Variants in SCN10A observed in about 807,000 individuals in gnomAD.
The protein encoded by SCN10A is sodium voltage-gated channel alpha subunit 10.
Under a neutral mutation model 170.7 loss-of-function variants are expected in SCN10A, and 162 were observed. The ratio of observed to expected loss-of-function variants is 0.95; its 90% CI spans 0.84 to 1.08. The LOEUF (loss-of-function observed/expected upper bound fraction) is 1.08. Ranked by LOEUF, SCN10A falls within the 50% of genes least tolerant of loss-of-function variation. The pLI, the probability that SCN10A is intolerant of heterozygous loss-of-function variation, is 0.00. For synonymous variants in SCN10A, 985 were observed against 904.6 expected (o/e 1.09, Z -1.59); for missense variants, 2,527 against 2,436.9 (o/e 1.04, Z -0.78).
chr3:38,727,572 G>C (rs984392770), intron 16 of SCN10A, among the ~76,000 whole-genome samples: 1 of 152,228 alleles, frequency 6.6e-6, no homozygotes, highest in African/African-American at 2.4e-5. Flanking sequence ...CAGCCTGGAA[G>C]AACAGAGTTT....
At chr3:38,739,745 TAAA>T in intron 14 of SCN10A, 57 bp from the exon 15 acceptor site, 1 of 1,369,514 alleles carries the variant, frequency 7.3e-7, no homozygotes, top group Non-Finnish European at 1.0e-6. Flanking sequence ...GAGGCAATGA[TAAA>T]AATGGCAGCA....
Position 38,718,766 on chromosome 3 carries a change from C to T in SCN10A, c.3568G>A (p.Asp1190Asn). ...ACAAAGATAAAGGTGAAGACCCTGTCAGTGTACTCCAGCAAAGCTTTCACC... is the reference window on the plus strand; with the variant it reads ...ACAAAGATAAAGGTGAAGACCCTGTTAGTGTACTCCAGCAAAGCTTTCACC... ...PTVKALLEYT[D>N]RVFTFIFVFE... Residue 1190 changes from aspartate (D) to asparagine (N), a missense_variant, in exon 21 of 28, where the codon GAC becomes AAC. Transcript: ENST00000449082. 6.2e-6 allele frequency: 10 copies of T among 1,614,244 alleles called. No homozygotes were observed. Among genetic ancestry groups the T allele is most frequent in the Non-Finnish European group, 7.6e-6 (9 of 1,180,038 alleles).
Position 38,746,075 on chromosome 3 carries a change from A to ATGTGTGTG in SCN10A, c.1868-3547_1868-3546insCACACACA, listed in dbSNP as rs1321412735. Among the ~76,000 whole-genome samples the ATGTGTGTG allele has an allele frequency of 2.1e-3, 174 of 83,478 alleles. 6 individuals carry two copies. The highest frequency in any genetic ancestry group is 8.8e-3 in the East Asian group (16 of 1,820). The allele number at this position is 83,478 out of a possible 152,430, so 54.8% of individuals were successfully genotyped here. ...TGTGTGTGTATGTGTATATATATAT[A>ATGTGTGTG]TATATATATATATATATATATATAT... On this transcript the variant is annotated intron_variant, in intron 13 of 27. Coordinates refer to ENST00000449082, the MANE Select transcript of SCN10A (RefSeq NM_006514.4).
rs78925986 is a variant in SCN10A, at chr3:38,731,556, G to C, written c.2281-2655C>G. Reference sequence around the variant, plus strand: ...CTTACAAAAATTCTTGAGTTTTTAGGATAGCAGATAGGTAAAGAAACAACT... The same window carrying C: ...CTTACAAAAATTCTTGAGTTTTTAGCATAGCAGATAGGTAAAGAAACAACT... On this transcript the variant is annotated intron_variant, in intron 15 of 27. Transcript: ENST00000449082. Among the ~76,000 whole-genome samples the C allele has an allele frequency of 7.9e-3, 1,210 of 152,254 alleles. 7 individuals are homozygous for C. The highest frequency in any genetic ancestry group is 0.012 in the Non-Finnish European group (824 of 68,014).
At chr3:38,809,438 G>C (rs539888441) in intron 1 of SCN10A, among the ~76,000 whole-genome samples, 116 of 152,336 alleles carry the variant, frequency 7.6e-4, no homozygotes, top group African/African-American at 2.7e-3. Flanking sequence ...AGCTGCAGGA[G>C]GTTATGGGGT....
intron 7 of SCN10A, 59 bp downstream of exon 7, chr3:38,761,133 C>T: frequency 1.5e-6 from 2 of 1,324,864 alleles, no homozygotes; most frequent in African/African-American, 2.9e-5. Flanking sequence ...ATCCCCTGTC[C>T]CTATATGATA....
intron 4 of SCN10A, among the ~76,000 whole-genome samples, chr3:38,772,730 C>CG (rs2064022202): frequency 2.1e-5 from 2 of 95,740 alleles, no homozygotes; most frequent in Non-Finnish European, 4.4e-5. Context: ...ACAACAAAAA[C>CG]AAAAACAAAA....
At chr3:38,750,948 C>T (rs1308052808) in intron 12 of SCN10A, among the ~76,000 whole-genome samples, 1 of 152,180 alleles carries the variant, frequency 6.6e-6, no homozygotes, top group Non-Finnish European at 1.5e-5. Flanking sequence ...GACTTTAAGG[C>T]TCTGTTTTGG....
At chr3:38,800,208 G>C (rs1317320003) in intron 1 of SCN10A, among the ~76,000 whole-genome samples, 1 of 152,162 alleles carries the variant, frequency 6.6e-6, no homozygotes, top group Non-Finnish European at 1.5e-5. Context: ...CACTGGCTTT[G>C]TGGATAACAG....
intron 13 of SCN10A, 39 bp from the exon 14 acceptor site, chr3:38,742,568 T>G: frequency 6.5e-7 from 1 of 1,538,858 alleles, no homozygotes; most frequent in African/African-American, 1.4e-5. Context: ...GTCAGCCATG[T>G]GTCACCTTGG....
intron 1 of SCN10A, among the ~76,000 whole-genome samples, chr3:38,801,513 G>T (rs1200210300): frequency 1.3e-5 from 2 of 152,144 alleles, no homozygotes; most frequent in African/African-American, 2.4e-5. Flanking sequence ...GGCAGGTCTG[G>T]CTGACTACAG....
At chr3:38,755,390 C>T (rs1425359623) in intron 11 of SCN10A, among the ~76,000 whole-genome samples, 4 of 152,090 alleles carry the variant, frequency 2.6e-5, no homozygotes, top group Non-Finnish European at 5.9e-5. Flanking sequence ...CCTTTGATGT[C>T]CGCAGACACC....
intron 1 of SCN10A, among the ~76,000 whole-genome samples, chr3:38,800,988 T>C (rs777920898): frequency 3.3e-5 from 5 of 152,178 alleles, no homozygotes; most frequent in Non-Finnish European, 4.4e-5. Flanking sequence ...ATAGCTATGG[T>C]TGGTCTTTGA....
At position 38,726,850 on chromosome 3, in the gene SCN10A, A is replaced by T. The variant is rs1402786888; in HGVS notation, c.2843T>A (p.Val948Glu). The T allele has an allele frequency of 6.2e-7, 1 of 1,613,992 alleles. No individual in the cohort carries two copies. Among genetic ancestry groups the T allele is most frequent in the South Asian group, 1.1e-5 (1 of 91,064 alleles). Residue 948 changes from valine (V) to glutamate (E), a missense_variant, in exon 17 of 28, where the codon GTG becomes GAG. Transcript: ENST00000449082. ...FPQPKAEPEL[V>E]VKLPLSSSKA... ...GGAGCTGGAGAGTGGGAGTTTCACC[A>T]CCAGCTCAGGCTCTGCCTTGGGCTG...
In SCN10A at chr3:38,793,750, G is replaced by C. The variant is rs762568013; in HGVS notation, c.261C>G (p.Ser87Arg). Residue 87 changes from serine to arginine, a missense_variant, in exon 2 of 28, where the codon AGC (serine) becomes AGG (arginine). Physicochemically the swap from Ser to Arg is moderately radical, Grantham distance 110. Transcript: ENST00000449082. ...EPLEDLDPFY[S>R]THRTFMVLNK... ...TACTAGTAGCTCTTACCCGGTGTGT[G>C]CTGTAGAACGGATCTAGATCCTCCA... The C allele has an allele frequency of 6.2e-7, 1 of 1,613,730 alleles. No individual in the cohort carries two copies. The highest frequency in any genetic ancestry group is 1.1e-5 in the South Asian group (1 of 91,048).
chr3:38,709,911 G>A (rs1190822046), intron 24 of SCN10A, among the ~76,000 whole-genome samples: 3 of 152,204 alleles, frequency 2.0e-5, no homozygotes, highest in Non-Finnish European at 4.4e-5. Flanking sequence ...GGAAACTGGA[G>A]TATTTATCCT....
At chr3:38,734,696 C>A (rs2063542735) in intron 15 of SCN10A, among the ~76,000 whole-genome samples, 1 of 152,038 alleles carries the variant, frequency 6.6e-6, no homozygotes, top group Admixed American at 6.5e-5. Context: ...ATAAAGATTT[C>A]TTATCTTTAA....
chr3:38,713,036 T>C (rs962910778), intron 22 of SCN10A, among the ~76,000 whole-genome samples: 12 of 152,218 alleles, frequency 7.9e-5, no homozygotes, highest in Non-Finnish European at 2.9e-5. Context: ...CAGCCAATGA[T>C]AGTGGAGCAA....
rs756162245 is a variant in SCN10A, at chr3:38,718,715, C to A, written c.3619G>T (p.Ala1207Ser). The A allele has an allele frequency of 8.7e-6, 14 of 1,614,230 alleles. No individual in the cohort carries two copies. Among genetic ancestry groups the A allele is most frequent in the Non-Finnish European group, 1.1e-5 (13 of 1,180,044 alleles). Residue 1207 changes from alanine (A) to serine (S), a missense_variant, in exon 21 of 28, where the codon GCC (alanine) becomes TCC (serine). Transcript: ENST00000449082. ...GTGAAGTACTTTTTGAAGCCATAGG[C>A]CACCCACTTAAGCAGCATCTCGAAC... ...FVFEMLLKWV[A>S]YGFKKYFTNA...
Sources: allele counts gnomAD v4.1 joint callset (sites outside exome capture counted in the v4.1 genomes callset), GRCh38; gene constraint gnomAD v4.1.1; transcripts MANE v1.5; gene names NCBI Gene and HGNC (gene_info 2026-07-23, HGNC 2026-07-21).